SH3RF1: variants seen among roughly 807,000 people sequenced by gnomAD.
The protein encoded by SH3RF1 is E3 ubiquitin-protein ligase SH3RF1.
In SH3RF1, 32 loss-of-function variants were observed where a neutral mutation model predicts 74.0. The ratio of observed to expected loss-of-function variants is 0.43; its 90% CI spans 0.33 to 0.58. The LOEUF is 0.58. Ranked by LOEUF, SH3RF1 falls within the 20% of genes least tolerant of loss-of-function variation. The pLI is 0.05. For missense variants in SH3RF1, 954 were observed against 1,130.9 expected, an observed-to-expected ratio of 0.84 and a Z score of 2.24; for synonymous variants, 396 against 439.6, an observed-to-expected ratio of 0.90 and a Z score of 1.24.
chr4:169,147,619 A>G (rs1418052125), intron 4 of SH3RF1, among the ~76,000 whole-genome samples: 1 of 152,206 alleles, frequency 6.6e-6, no homozygotes, highest in Non-Finnish European at 1.5e-5. Context: ...TCGCCCCACA[A>G]ATATGTGAAG....
At chr4:169,099,441 A>T (rs1348042113) in intron 11 of SH3RF1, among the ~76,000 whole-genome samples, 2 of 152,250 alleles carry the variant, frequency 1.3e-5, no homozygotes, top group Non-Finnish European at 2.9e-5. Flanking sequence ...TTTATCTGAA[A>T]GAAGGATCCA....
rs138608620 is a variant in SH3RF1 at position 169,117,712 on chromosome 4, T to C, written c.1588A>G (p.Met530Val). 1.3e-5 allele frequency: 21 copies of C among 1,614,084 alleles called. No individual in the cohort carries two copies. The highest frequency in any genetic ancestry group is 4.5e-5 in the East Asian group (2 of 44,888). The change falls in exon 9 of 12, where the codon ATG becomes GTG. Residue 530 changes from methionine (M) to valine (V), a missense_variant. By Grantham distance (21) the Met-to-Val change is conservative. Coordinates refer to ENST00000284637, the MANE Select transcript of SH3RF1 (RefSeq NM_020870.4). ...TAGQTSRGVT[M>V]VSPSTAGGPA... ...CCTCCTGCCGTGGAAGGACTGACCA[T>C]GGTCACTCCCCGACTTGTCTGGCCA... is the stretch of plus-strand genomic sequence containing the variant.
At chr4:169,109,319 A>G (rs188875849) in intron 10 of SH3RF1, among the ~76,000 whole-genome samples, 1 of 152,232 alleles carries the variant, frequency 6.6e-6, no homozygotes, top group Non-Finnish European at 1.5e-5. Flanking sequence ...CAGATAACTC[A>G]ACGGCACTCA....
At chr4:169,195,302 ACCT>A (rs577774713) in intron 2 of SH3RF1, among the ~76,000 whole-genome samples, 110 of 152,090 alleles carry the variant, frequency 7.2e-4, no homozygotes, top group African/African-American at 2.5e-3. Context: ...TTATAATTAT[ACCT>A]CCTAGGAAAA....
intron 2 of SH3RF1, among the ~76,000 whole-genome samples, chr4:169,247,611 C>T (rs1731024571): frequency 1.3e-5 from 2 of 152,070 alleles, no homozygotes; most frequent in Admixed American, 6.6e-5. Flanking sequence ...AGGAGTACAA[C>T]TATATGGGCC....
intron 2 of SH3RF1, among the ~76,000 whole-genome samples, chr4:169,240,383 AG>A (rs770970560): frequency 1.3e-5 from 2 of 151,948 alleles, no homozygotes; most frequent in South Asian, 2.1e-4. Flanking sequence ...TTTTTTGCAG[AG>A]ATGGGATTTC....
At chr4:169,242,757 T>A (rs1579159003) in intron 2 of SH3RF1, among the ~76,000 whole-genome samples, 1 of 152,328 alleles carries the variant, frequency 6.6e-6, no homozygotes, top group African/African-American at 2.4e-5. Context: ...CCCATTGCCA[T>A]CCATCTCCTG....
At chr4:169,254,455 A>G (rs528910149) in intron 2 of SH3RF1, among the ~76,000 whole-genome samples, 42 of 152,328 alleles carry the variant, frequency 2.8e-4, no homozygotes, top group African/African-American at 9.6e-4. Flanking sequence ...ATGATCACAA[A>G]TATGTATTAA....
chr4:169,187,516 CTGTGTGTGTGTG>C (rs60705711), intron 2 of SH3RF1, among the ~76,000 whole-genome samples: 11,399 of 144,048 alleles, frequency 0.079, 482 homozygotes, highest in Middle Eastern at 0.1. Context: ...CAACGAATTT[CTGTGTGTGTGTG>C]TGTGTGTGTG....
intron 6 of SH3RF1, among the ~76,000 whole-genome samples, chr4:169,124,281 C>A (rs1733489326): frequency 6.6e-6 from 1 of 152,160 alleles, no homozygotes; most frequent in Non-Finnish European, 1.5e-5. Flanking sequence ...TTTATTAAAA[C>A]AGAGGCTGTA....
In SH3RF1 at chr4:169,269,039, C is replaced by T. The variant is rs141769951; in HGVS notation, c.174G>A (p.Ser58=). The T allele has an allele frequency of 1.2e-6, 2 of 1,614,012 alleles. No homozygotes were observed. The highest frequency in any genetic ancestry group is 1.3e-5 in the African/African-American group (1 of 74,912). The change falls in exon 2 of 12, where the codon TCG becomes TCA. Residue 58 remains serine, a synonymous_variant. Transcript: ENST00000284637. ...TGTTACTGGGAAGCTCCTCGACACC[C>T]GAGCCAACAAGAGTCCTGCACTCGG... The part of the protein sequence containing the change: ...RCPECRTLVG[S]GVEELPSNIL...
chr4:169,187,720 G>A (rs930718692), intron 2 of SH3RF1, among the ~76,000 whole-genome samples: 1 of 152,158 alleles, frequency 6.6e-6, no homozygotes, highest in Non-Finnish European at 1.5e-5. Flanking sequence ...GATGTAAAAA[G>A]TTACCAGTAA....
intron 2 of SH3RF1, among the ~76,000 whole-genome samples, chr4:169,176,216 TAA>T (rs1734418706): frequency 6.6e-6 from 1 of 152,166 alleles, no homozygotes; most frequent in Non-Finnish European, 1.5e-5. Context: ...CCAAGATCCC[TAA>T]GACATTGGTG....
chr4:169,252,747 C>G (rs946138533), intron 2 of SH3RF1, among the ~76,000 whole-genome samples: 3 of 152,270 alleles, frequency 2.0e-5, no homozygotes, highest in Admixed American at 6.5e-5. Context: ...GATGGACTGA[C>G]GTATTCATAA....
chr4:169,131,376 TCTC>T (rs879603914), intron 5 of SH3RF1, among the ~76,000 whole-genome samples: 2 of 152,134 alleles, frequency 1.3e-5, no homozygotes, highest in Non-Finnish European at 2.9e-5. Context: ...CTTTTCTTCT[TCTC>T]CTCATTATTT....
chr4:169,256,281 G>GGGAGGAAGAAAGGGAGGAAGGGAA (rs1731192948), intron 2 of SH3RF1, among the ~76,000 whole-genome samples: 1 of 151,596 alleles, frequency 6.6e-6, no homozygotes, highest in African/African-American at 2.4e-5. Flanking sequence ...AAAGGGAGAA[G>GGGAGGAAGAAAGGGAGGAAGGGAA]GGAGGAAGAA....
At chr4:169,214,081 T>G (rs1340054064) in intron 2 of SH3RF1, among the ~76,000 whole-genome samples, 1 of 152,218 alleles carries the variant, frequency 6.6e-6, no homozygotes, top group African/African-American at 2.4e-5. Flanking sequence ...CCAAATCTCA[T>G]GTTGAAATGT....
intron 2 of SH3RF1, among the ~76,000 whole-genome samples, chr4:169,170,568 A>G (rs2126972901): frequency 6.6e-6 from 1 of 152,224 alleles, no homozygotes; most frequent in East Asian, 1.9e-4. Flanking sequence ...CTAATTTTAC[A>G]TGTTCACCAG....
intron 2 of SH3RF1, among the ~76,000 whole-genome samples, chr4:169,198,147 T>A (rs1404613526): frequency 6.6e-6 from 1 of 152,222 alleles, no homozygotes; most frequent in African/African-American, 2.4e-5. Flanking sequence ...CAAATTGCCT[T>A]ATGGAAACAT....
Sources: gnomAD v4.1 joint callset for allele counts (sites outside exome capture counted in the v4.1 genomes callset) on GRCh38, gnomAD v4.1.1 for gene constraint, MANE v1.5 for transcripts, NCBI Gene and HGNC (gene_info 2026-07-23, HGNC 2026-07-21) for gene names.